Variants in PUDP observed in about 807,000 individuals in gnomAD.
PUDP encodes pseudouridine-5'-phosphatase.
PUDP carries 8 observed loss-of-function variants against 9.4 expected under a neutral mutation model. That is an observed-to-expected ratio of 0.85 (90% CI 0.50 to 1.53). PUDP has a LOEUF of 1.53. Among genes scored for constraint, PUDP ranks in the 40% most tolerant of loss-of-function variants. The pLI is 0.00. For synonymous variants in PUDP, 99 were observed against 80.7 expected, an observed-to-expected ratio of 1.23 and a Z score of -1.22; for missense variants, 188 against 189.7, an observed-to-expected ratio of 0.99 and a Z score of 0.05.
intron 1 of PUDP, among the ~76,000 whole-genome samples, chrX:7,031,217 T>C (rs746189643): frequency 1.6e-4 from 18 of 111,643 alleles, no homozygotes; most frequent in Non-Finnish European, 2.1e-4. Context: ...TCTCATCCTG[T>C]GACTTAGAAT....
chrX:7,140,469 T>C lies in PUDP; in HGVS notation c.61+7584A>G, dbSNP rs751686522. Among the ~76,000 whole-genome samples, 214 of 111,444 alleles carry C rather than the reference T, an allele frequency of 1.9e-3. 2 individuals are homozygous for C. The highest frequency in any genetic ancestry group is 3.3e-3 in the Non-Finnish European group (173 of 53,163). On this transcript the variant is annotated intron_variant, in intron 1 of 3. Transcript: ENST00000381077. ...ATAAGGAGTGCTTTCAGGGGACATT[T>C]CTTAGGAGATATCATTTACCTTGCT...
At chrX:6,863,543 A>G (rs1927034842) in intron 3 of PUDP, among the ~76,000 whole-genome samples, 1 of 111,925 alleles carries the variant, frequency 8.9e-6, no homozygotes, top group Non-Finnish European at 1.9e-5. Flanking sequence ...AAAGCTATAC[A>G]TATTTATAAT....
intron 3 of PUDP, among the ~76,000 whole-genome samples, chrX:7,068,030 G>C (rs747271985): frequency 9.0e-6 from 1 of 111,723 alleles, no homozygotes; most frequent in East Asian, 2.8e-4. Flanking sequence ...ATGTGGAACT[G>C]TGAGTCCGTT....
At chrX:7,146,338 T>C (rs1031495134) in intron 1 of PUDP, among the ~76,000 whole-genome samples, 2 of 112,064 alleles carry the variant, frequency 1.8e-5, no homozygotes, top group African/African-American at 6.5e-5. Context: ...ATAAATTTAA[T>C]TTTAATGAGA....
chrX:6,948,371 G>A lies in PUDP; in HGVS notation c.*247+28762C>T, dbSNP rs1286823999. On this transcript the variant is annotated intron_variant and NMD_transcript_variant, in intron 3 of 3. Coordinates refer to the PUDP transcript ENST00000655425. ...GAGAGATTGAGACACTGCCCTTCCA[G>A]CCCCTCAGTCAGACTCCTAAATACC... 4.5e-5 allele frequency among the ~76,000 whole-genome samples: 5 copies of A among 111,828 alleles called. No individual in the cohort carries two copies. In the Admixed American group the frequency reaches 4.8e-4, roughly 11 times the overall value.
At chrX:6,836,743 A>G (rs1907598168) in intron 3 of PUDP, among the ~76,000 whole-genome samples, 1 of 107,364 alleles carries the variant, frequency 9.3e-6, no homozygotes, top group Admixed American at 9.7e-5. Context: ...TCACAATTAC[A>G]AAGTTCCTTT....
At chrX:7,012,743 C>G (rs1929494964) in intron 1 of PUDP, among the ~76,000 whole-genome samples, 1 of 110,980 alleles carries the variant, frequency 9.0e-6, no homozygotes, top group South Asian at 3.9e-4. Context: ...CCGTGGAACT[C>G]TCTTGACTTC....
downstream of PUDP, among the ~76,000 whole-genome samples, chrX:7,047,619 C>T (rs1377930101): frequency 8.9e-6 from 1 of 112,243 alleles, no homozygotes; most frequent in Non-Finnish European, 1.9e-5. Context: ...CCAGAGAATA[C>T]TACAGACTTT....
chrX:7,132,134 T>G (rs1602830762), intron 1 of PUDP, among the ~76,000 whole-genome samples: 2 of 110,766 alleles, frequency 1.8e-5, no homozygotes, highest in South Asian at 7.8e-4. Context: ...AGGGATGCTG[T>G]TGTATTCATT....
intron 3 of PUDP, among the ~76,000 whole-genome samples, chrX:6,837,035 C>T (rs1008817808): frequency 3.6e-5 from 4 of 112,335 alleles, no homozygotes; most frequent in Non-Finnish European, 7.5e-5. Context: ...CATTTGGGCA[C>T]CAATGAGCGC....
chrX:6,831,223 T>G (rs770369288), intron 3 of PUDP, among the ~76,000 whole-genome samples: 1 of 112,094 alleles, frequency 8.9e-6, no homozygotes, highest in Admixed American at 9.4e-5. Flanking sequence ...TGATCTTAGG[T>G]CTGACAATAG....
At chrX:6,953,513 T>C (rs556293826) in intron 3 of PUDP, among the ~76,000 whole-genome samples, 3 of 110,466 alleles carry the variant, frequency 2.7e-5, no homozygotes, top group South Asian at 3.9e-4. Flanking sequence ...GAAACCAATT[T>C]CCTGAGGCCA....
chrX:6,849,601 T>C (rs1255922786), intron 3 of PUDP, among the ~76,000 whole-genome samples: 3 of 111,600 alleles, frequency 2.7e-5, no homozygotes, highest in Non-Finnish European at 5.6e-5. Context: ...TAAAATGTTA[T>C]ACATATGCAT....
intron 1 of PUDP, among the ~76,000 whole-genome samples, chrX:7,144,003 T>C (rs1165785839): frequency 8.9e-6 from 1 of 112,090 alleles, no homozygotes; most frequent in African/African-American, 3.2e-5. Flanking sequence ...CAGAGTTGCT[T>C]TGACATCCAG....
intron 3 of PUDP, among the ~76,000 whole-genome samples, chrX:6,904,274 G>T (rs773806686): frequency 2.6e-4 from 29 of 110,496 alleles, no homozygotes; most frequent in African/African-American, 9.2e-4. Context: ...TTTTAATGTG[G>T]GTGTAGAACA....
rs990629591 is a variant in PUDP, at chrX:6,932,945, T to G, written c.*247+44188A>C. ...GGCGCCCGCCATTGCCCAGGCTTGC[T>G]TAGGTAAACAAAGCAGCCGGGAAGC... On this transcript the variant is annotated intron_variant and NMD_transcript_variant, in intron 3 of 3. Coordinates refer to the PUDP transcript ENST00000655425. 2.7e-5 allele frequency among the ~76,000 whole-genome samples: 3 copies of G among 110,088 alleles called. No individual in the cohort carries two copies. The Admixed American group carries it at 2.9e-4, about 11-fold the overall frequency.
intron 1 of PUDP, among the ~76,000 whole-genome samples, chrX:7,114,654 T>G (rs1256000653): frequency 9.0e-6 from 1 of 111,628 alleles, no homozygotes; most frequent in Non-Finnish European, 1.9e-5. Context: ...TAGCAATGTG[T>G]GTTTTACAGA....
intron 3 of PUDP, among the ~76,000 whole-genome samples, chrX:6,927,828 G>T (rs936217988): frequency 9.0e-6 from 1 of 111,320 alleles, no homozygotes; most frequent in Non-Finnish European, 1.9e-5. Flanking sequence ...TGGGGGAGAA[G>T]AGAATTCTAT....
intron 1 of PUDP, among the ~76,000 whole-genome samples, chrX:7,129,527 G>C (rs1485831271): frequency 8.9e-6 from 1 of 111,947 alleles, no homozygotes; most frequent in African/African-American, 3.3e-5. Flanking sequence ...TTTGCTGCCA[G>C]CCCCAACAGT....
Sources: allele counts gnomAD v4.1 joint callset (sites outside exome capture counted in the v4.1 genomes callset), GRCh38; gene constraint gnomAD v4.1.1; transcripts MANE v1.5; gene names NCBI Gene and HGNC (gene_info 2026-07-23, HGNC 2026-07-21).